The following CNTNAP2 variants were observed in gnomAD, a reference collection of about 807,000 sequenced individuals.
CNTNAP2 encodes the protein contactin-associated protein-like 2.
In CNTNAP2, 98 loss-of-function variants were observed where a neutral mutation model predicts 155.2. The ratio of observed to expected loss-of-function variants is 0.63; its 90% CI spans 0.54 to 0.75. The LOEUF (loss-of-function observed/expected upper bound fraction) is 0.75, where lower values mean the gene tolerates loss of function less well. CNTNAP2 is among the 30% of genes least tolerant of loss of function. The pLI is 0.00. For missense variants in CNTNAP2, 1,727 were observed against 1,688.1 expected (o/e 1.02, Z -0.40); for synonymous variants, 651 against 631.2 (o/e 1.03, Z -0.47).
At chr7:147,302,311 C>T (rs1258963676) in intron 9 of CNTNAP2, among the ~76,000 whole-genome samples, 1 of 152,136 alleles carries the variant, frequency 6.6e-6, no homozygotes, top group African/African-American at 2.4e-5. Context: ...CAGTTTTTAT[C>T]GATTTCAATC....
At chr7:147,837,829 G>A (rs1486687465) in intron 13 of CNTNAP2, among the ~76,000 whole-genome samples, 1 of 152,136 alleles carries the variant, frequency 6.6e-6, no homozygotes, top group African/African-American at 2.4e-5. Context: ...CACACTGATG[G>A]TGGGCTCTCA....
chr7:146,831,592 C>T (rs890689253), intron 2 of CNTNAP2, among the ~76,000 whole-genome samples: 3 of 143,382 alleles, frequency 2.1e-5, no homozygotes, highest in African/African-American at 7.9e-5. Flanking sequence ...AGGAGAATCG[C>T]TTGAACCCAG....
At chr7:146,728,087 G>T (rs1031752285) in intron 1 of CNTNAP2, among the ~76,000 whole-genome samples, 1 of 152,114 alleles carries the variant, frequency 6.6e-6, no homozygotes, top group Admixed American at 6.6e-5. Flanking sequence ...CTGAGGAGGC[G>T]GGCACCCAAC....
intron 11 of CNTNAP2, among the ~76,000 whole-genome samples, chr7:147,522,070 G>A (rs1002256995): frequency 1.3e-5 from 2 of 152,190 alleles, no homozygotes; most frequent in African/African-American, 4.8e-5. Flanking sequence ...TTCATAGATG[G>A]CACTCTCTCA....
intron 3 of CNTNAP2, among the ~76,000 whole-genome samples, chr7:146,959,193 T>C (rs1390344568): frequency 6.6e-6 from 1 of 151,976 alleles, no homozygotes; most frequent in Non-Finnish European, 1.5e-5. Context: ...CTAATTTTTG[T>C]ATTTTTAGTA....
At chr7:146,639,232 A>G (rs972804258) in intron 1 of CNTNAP2, among the ~76,000 whole-genome samples, 2 of 152,236 alleles carry the variant, frequency 1.3e-5, no homozygotes, top group Non-Finnish European at 2.9e-5. Flanking sequence ...CAGCTTTTAA[A>G]ATTCATGCTA....
chr7:147,109,261 G>T (rs1203805975), intron 5 of CNTNAP2, among the ~76,000 whole-genome samples: 1 of 152,142 alleles, frequency 6.6e-6, no homozygotes, highest in Admixed American at 6.6e-5. Flanking sequence ...GTCAATTAAG[G>T]AAATAATTTT....
chr7:147,403,461 C>G lies in CNTNAP2; in HGVS notation c.1670+7681C>G, dbSNP rs573768240. Reference sequence around the variant, plus strand: ...AGACTTCTCTCAGATTCTTTTTTGGCTTAGGGTTGAGATTTATTCAGTCAA... The same window carrying G: ...AGACTTCTCTCAGATTCTTTTTTGGGTTAGGGTTGAGATTTATTCAGTCAA... On this transcript the variant is annotated intron_variant, in intron 10 of 23. Transcript: ENST00000361727. Among the ~76,000 whole-genome samples the G allele has an allele frequency of 3.5e-4, 54 of 152,204 alleles. 1 individual carries two copies. The highest frequency in any genetic ancestry group is 1.3e-3 in the African/African-American group (52 of 41,532).
chr7:147,046,275 T>C (rs979868480), intron 4 of CNTNAP2, among the ~76,000 whole-genome samples: 17 of 152,112 alleles, frequency 1.1e-4, no homozygotes, highest in Non-Finnish European at 1.3e-4. Context: ...TCCCAGTTAC[T>C]GCAACTCCTT....
intron 1 of CNTNAP2, among the ~76,000 whole-genome samples, chr7:146,662,248 T>C (rs1034710255): frequency 7.9e-5 from 12 of 152,008 alleles, no homozygotes; most frequent in Non-Finnish European, 1.2e-4. Context: ...AGCGATTCTC[T>C]TGCCTTCGCC....
chr7:147,364,320 T>A (rs1384800654), intron 9 of CNTNAP2, among the ~76,000 whole-genome samples: 1 of 152,196 alleles, frequency 6.6e-6, no homozygotes, highest in Non-Finnish European at 1.5e-5. Flanking sequence ...ACTGAACACT[T>A]AGAAAATTAT....
intron 13 of CNTNAP2, among the ~76,000 whole-genome samples, chr7:147,849,275 A>G (rs1045122335): frequency 1.3e-5 from 2 of 152,218 alleles, no homozygotes; most frequent in Non-Finnish European, 2.9e-5. Flanking sequence ...GTTTCAATAA[A>G]CACGATTATG....
intron 1 of CNTNAP2, among the ~76,000 whole-genome samples, chr7:146,389,370 TTTC>T (rs1363679155): frequency 2.0e-5 from 3 of 152,072 alleles, no homozygotes; most frequent in African/African-American, 4.8e-5. Context: ...TTTATTAATT[TTTC>T]TTCTTCTTAT....
chr7:147,388,693 G>A (rs1796661410), intron 9 of CNTNAP2, among the ~76,000 whole-genome samples: 1 of 151,860 alleles, frequency 6.6e-6, no homozygotes, highest in Non-Finnish European at 1.5e-5. Context: ...CGTTTCTCCT[G>A]CCTCAGTCTC....
chr7:146,215,119 A>G (rs1799093755), intron 1 of CNTNAP2, among the ~76,000 whole-genome samples: 1 of 152,230 alleles, frequency 6.6e-6, no homozygotes, highest in Non-Finnish European at 1.5e-5. Context: ...TTAGCTATAA[A>G]TGCATAAAAT....
chr7:147,848,296 G>A (rs542413759), intron 13 of CNTNAP2, among the ~76,000 whole-genome samples: 7 of 148,688 alleles, frequency 4.7e-5, no homozygotes, highest in South Asian at 2.2e-4. Context: ...ATATAGTCTC[G>A]TGGTGCGCCG....
chr7:148,231,749 T>A (rs1366164960), intron 20 of CNTNAP2, among the ~76,000 whole-genome samples: 2 of 152,158 alleles, frequency 1.3e-5, no homozygotes, highest in Non-Finnish European at 2.9e-5. Context: ...CTGATAGGCC[T>A]GGTTTGAGTC....
chr7:146,812,574 T>A (rs1412657856), intron 2 of CNTNAP2, among the ~76,000 whole-genome samples: 1 of 151,844 alleles, frequency 6.6e-6, no homozygotes, highest in Non-Finnish European at 1.5e-5. Flanking sequence ...AATTTCTAAG[T>A]GGCAAAGCTC....
chr7:147,884,883 C>T lies in CNTNAP2; in HGVS notation c.2099-18682C>T, dbSNP rs2538982. ...CGGGTAATGGATGAATAATGTGTGA[C>T]TCTGCCAGTTTGATGTGTTATAAAC... On this transcript the variant is annotated intron_variant, in intron 13 of 23. Coordinates refer to ENST00000361727, the MANE Select transcript of CNTNAP2 (RefSeq NM_014141.6). Among the ~76,000 whole-genome samples the T allele has an allele frequency of 5.1e-3, 765 of 150,192 alleles. 4 individuals carry two copies. Among genetic ancestry groups the T allele is most frequent in the African/African-American group, 0.018 (733 of 40,968 alleles).
Sources: gnomAD v4.1 joint callset for allele counts (sites outside exome capture counted in the v4.1 genomes callset) on GRCh38, gnomAD v4.1.1 for gene constraint, MANE v1.5 for transcripts, NCBI Gene and HGNC (gene_info 2026-07-23, HGNC 2026-07-21) for gene names.